EDN1: variants seen among roughly 807,000 people sequenced by gnomAD.
The protein encoded by EDN1 is endothelin-1.
EDN1 carries 11 observed loss-of-function variants against 21.7 expected under a neutral mutation model. The ratio of observed to expected loss-of-function variants is 0.51; its 90% CI spans 0.32 to 0.84. The LOEUF (loss-of-function observed/expected upper bound fraction) is 0.84, where lower values mean the gene tolerates loss of function less well. Ranked by LOEUF, EDN1 falls within the 40% of genes least tolerant of loss-of-function variation. EDN1 has a pLI of 0.03. For synonymous variants in EDN1, 85 were observed against 90.6 expected (o/e 0.94, Z 0.35); for missense variants, 244 against 262.3 (o/e 0.93, Z 0.48).
At chr6:12,272,405 TTACA>T in the EDN1 span, among the ~76,000 whole-genome samples, 2 of 151,778 alleles carry the variant, frequency 1.3e-5, no homozygotes, top group African/African-American at 2.4e-5. Context: ...CTTCTCACAC[TTACA>T]TACATGCAAA....
At chr6:12,235,343 G>A in the EDN1 span, among the ~76,000 whole-genome samples, 1 of 152,160 alleles carries the variant, frequency 6.6e-6, no homozygotes, top group Admixed American at 6.5e-5. Flanking sequence ...TGGTAACATG[G>A]TGACTTCCAC....
the EDN1 span, among the ~76,000 whole-genome samples, chr6:12,239,225 A>AT: frequency 1.3e-5 from 2 of 152,164 alleles, no homozygotes; most frequent in African/African-American, 2.4e-5. Context: ...TCTGGCTGTG[A>AT]TGTATATTAC....
the EDN1 span, among the ~76,000 whole-genome samples, chr6:12,230,587 G>T: frequency 6.6e-6 from 1 of 152,120 alleles, no homozygotes; most frequent in Admixed American, 6.6e-5. Context: ...TGTGAAGAAC[G>T]TGGTACAAAA....
the EDN1 span, among the ~76,000 whole-genome samples, chr6:12,282,991 T>G: frequency 6.6e-6 from 1 of 152,178 alleles, no homozygotes; most frequent in African/African-American, 2.4e-5. Flanking sequence ...AAAAAAAAAT[T>G]TAAGACATGA....
the EDN1 span, among the ~76,000 whole-genome samples, chr6:12,258,634 G>A: frequency 2.6e-5 from 4 of 152,094 alleles, no homozygotes; most frequent in African/African-American, 7.2e-5. Context: ...TCCTTTCAAC[G>A]TGTGTGAACC....
At chr6:12,236,347 T>A in the EDN1 span, among the ~76,000 whole-genome samples, 1 of 152,156 alleles carries the variant, frequency 6.6e-6, no homozygotes, top group East Asian at 1.9e-4. Context: ...AACCTCCATC[T>A]CTCAGGTTCC....
the EDN1 span, among the ~76,000 whole-genome samples, chr6:12,274,191 A>T: frequency 6.6e-6 from 1 of 152,218 alleles, no homozygotes; most frequent in Non-Finnish European, 1.5e-5. Context: ...GCCAGCTAAA[A>T]CTTGAGTAGG....
chr6:12,239,199 A>G, the EDN1 span, among the ~76,000 whole-genome samples: 6 of 152,198 alleles, frequency 3.9e-5, no homozygotes, highest in African/African-American at 7.2e-5. Flanking sequence ...TGTTGCCTCA[A>G]TCATTCGTGT....
At chr6:12,294,516 CT>C in intron 4 of EDN1, 112 bp downstream of exon 4, 1 of 1,278,494 alleles carries the variant, frequency 7.8e-7, no homozygotes, top group Non-Finnish European at 1.1e-6. Flanking sequence ...AGGTGAAAGA[CT>C]TAGAAAACAG....
Position 12,290,684 on chromosome 6 carries a change from C to A in EDN1, c.55C>A (p.Pro19Thr). 1 of 1,613,904 alleles carries A rather than the reference C, an allele frequency of 6.2e-7. No homozygotes were observed. Among genetic ancestry groups the A allele is most frequent in the Non-Finnish European group, 8.5e-7 (1 of 1,179,820 alleles). ...GCTGTTTGTGGCTTGCCAAGGAGCT[C>A]CAGAAACAGGTAGGCACGCTCGTTG... ...SLLFVACQGAPETAVLGAELS... is the reference protein window; with the variant it reads ...SLLFVACQGATETAVLGAELS... The change falls in exon 1 of 5, where the codon CCA (proline) becomes ACA (threonine). Residue 19 changes from proline (P) to threonine (T), a missense_variant. Physicochemically the swap from Pro to Thr is conservative, Grantham distance 38 (BLOSUM62 -1). Coordinates refer to ENST00000379375, the MANE Select transcript of EDN1 (RefSeq NM_001955.5).
chr6:12,264,658 T>A, the EDN1 span, among the ~76,000 whole-genome samples: 1 of 152,108 alleles, frequency 6.6e-6, no homozygotes, highest in Non-Finnish European at 1.5e-5. Context: ...TTTAAGAAAG[T>A]CTATGAATTT....
the EDN1 span, among the ~76,000 whole-genome samples, chr6:12,246,519 T>A: frequency 6.6e-6 from 1 of 152,186 alleles, no homozygotes; most frequent in Non-Finnish European, 1.5e-5. Flanking sequence ...ATCCTGGGCG[T>A]GCACACACAA....
chr6:12,241,901 T>C, the EDN1 span, among the ~76,000 whole-genome samples: 1 of 152,218 alleles, frequency 6.6e-6, no homozygotes, highest in African/African-American at 2.4e-5. Context: ...TGGTGGGAAT[T>C]TCTTTTGAAA....
At chr6:12,293,828 C>T (rs1314184071) in intron 2 of EDN1, 113 bp from the exon 3 acceptor site, 7 of 1,218,550 alleles carry the variant, frequency 5.7e-6, no homozygotes, top group Non-Finnish European at 8.2e-6. Context: ...AATGATGCTC[C>T]CAAGTGCTAT....
upstream of EDN1, among the ~76,000 whole-genome samples, chr6:12,290,114 T>C (rs963633374): frequency 3.3e-5 from 5 of 152,078 alleles, no homozygotes; most frequent in African/African-American, 1.2e-4. Flanking sequence ...CACGGGCAGG[T>C]TTAGCAAAGG....
chr6:12,293,877 C>A, intron 2 of EDN1, 64 bp from the exon 3 acceptor site: 3 of 1,575,512 alleles, frequency 1.9e-6, no homozygotes, highest in Non-Finnish European at 8.7e-7. Context: ...ATAGGTGTGT[C>A]CATGTGTCAT....
the EDN1 span, among the ~76,000 whole-genome samples, chr6:12,251,627 A>G: frequency 6.6e-6 from 1 of 152,226 alleles, no homozygotes; most frequent in Non-Finnish European, 1.5e-5. Context: ...CTGAAACACT[A>G]AAACTCCCTC....
At chr6:12,253,986 A>G in the EDN1 span, among the ~76,000 whole-genome samples, 1 of 152,050 alleles carries the variant, frequency 6.6e-6, no homozygotes. Context: ...CTGGCCTTCT[A>G]CCTCAACCCT....
chr6:12,268,675 T>A, the EDN1 span, among the ~76,000 whole-genome samples: 28 of 152,200 alleles, frequency 1.8e-4, no homozygotes, highest in Admixed American at 1.8e-3. Flanking sequence ...TTGGTCTATG[T>A]GTCTATTTTT....
Sources: allele counts gnomAD v4.1 joint callset (sites outside exome capture counted in the v4.1 genomes callset), GRCh38; gene constraint gnomAD v4.1.1; transcripts MANE v1.5; gene names NCBI Gene and HGNC (gene_info 2026-07-23, HGNC 2026-07-21).